MAGI1: variants seen among roughly 807,000 people sequenced by gnomAD.
MAGI1 encodes membrane associated guanylate kinase, WW and PDZ domain containing 1.
MAGI1 carries 58 observed loss-of-function variants against 139.9 expected under a neutral mutation model. That is an observed-to-expected ratio of 0.41 (90% CI 0.34 to 0.52). MAGI1 has a LOEUF of 0.52. Among genes scored for constraint, MAGI1 ranks in the 20% least tolerant of loss-of-function variants. The pLI, the probability that MAGI1 is intolerant of heterozygous loss-of-function variation, is 0.12. For missense variants in MAGI1, 1,874 were observed against 1,901.6 expected (o/e 0.99, Z 0.27); for synonymous variants, 812 against 737.9 (o/e 1.10, Z -1.63).
chr3:65,787,271 G>A (rs997237171), intron 1 of MAGI1, among the ~76,000 whole-genome samples: 2 of 151,864 alleles, frequency 1.3e-5, no homozygotes, highest in African/African-American at 2.4e-5. Flanking sequence ...CACAGGGCCC[G>A]GTCATCTTTA....
At chr3:65,603,705 C>A (rs1197055248) in intron 2 of MAGI1, among the ~76,000 whole-genome samples, 5 of 152,144 alleles carry the variant, frequency 3.3e-5, no homozygotes, top group African/African-American at 4.8e-5. Context: ...TAAGAAAATA[C>A]CTGAGACAGT....
intron 1 of MAGI1, among the ~76,000 whole-genome samples, chr3:65,950,092 AAC>A (rs372019711): frequency 0.57 from 37,360 of 65,082 alleles, 9,233 homozygotes; most frequent in South Asian, 0.63. Flanking sequence ...AAAAAAAACA[AAC>A]AAAAAAAAAA....
At position 66,038,292 on chromosome 3, in the gene MAGI1, T is replaced by A. The variant is rs1451180881; in HGVS notation, c.17A>T (p.Gln6Leu). ...CCTGCTAGTCCAGTGGTTCTTCTTC[T>A]GGATCACTTTGGACATGATGAGTTA... MSKVI[Q>L]KKNHWTSRVH... The change falls in exon 1 of 23, where the codon CAG becomes CTG. Residue 6 changes from glutamine (Q) to leucine (L), a missense_variant. This residue lies in a region of MAGI1 where 648 missense variants were observed against 598.1 expected (regional missense o/e 1.08). Transcript: ENST00000402939. 6.3e-7 allele frequency: 1 copy of A among 1,589,554 alleles called. No individual in the cohort carries two copies. Among genetic ancestry groups the A allele is most frequent in the Non-Finnish European group, 8.6e-7 (1 of 1,167,112 alleles).
chr3:65,454,762 C>T (rs1217687000), intron 5 of MAGI1, among the ~76,000 whole-genome samples: 1 of 149,634 alleles, frequency 6.7e-6, no homozygotes, highest in Admixed American at 6.6e-5. Flanking sequence ...AAAACAGAAT[C>T]TGCGAATGTA....
intron 12 of MAGI1, among the ~76,000 whole-genome samples, chr3:65,428,463 G>A (rs114634722): frequency 3.9e-5 from 6 of 152,156 alleles, no homozygotes; most frequent in African/African-American, 1.2e-4. Context: ...TTAATGCCTC[G>A]AGATTTAGAA....
At chr3:65,422,186 T>C (rs1946675342) in intron 12 of MAGI1, among the ~76,000 whole-genome samples, 1 of 152,224 alleles carries the variant, frequency 6.6e-6, no homozygotes, top group South Asian at 2.1e-4. Context: ...ATGGAGCTCT[T>C]GAAGTGCGGA....
chr3:65,889,446 G>A (rs1335503352), intron 1 of MAGI1, among the ~76,000 whole-genome samples: 1 of 152,188 alleles, frequency 6.6e-6, no homozygotes, highest in Non-Finnish European at 1.5e-5. Flanking sequence ...ATGATTCTCT[G>A]TTCTCTCCTC....
In MAGI1 at chr3:65,800,002, C is replaced by A. The variant is rs185434681; in HGVS notation, c.314-177914G>T. On this transcript the variant is annotated intron_variant, in intron 1 of 22. Coordinates refer to ENST00000402939, the MANE Select transcript of MAGI1 (RefSeq NM_001033057.2). ...GTTAATACTACGTTTCCCAATTATT[C>A]AGACTTCCTGAAGGTTCCGACTGCC... Among the ~76,000 whole-genome samples the A allele has an allele frequency of 8.4e-3, 1,284 of 152,276 alleles. 15 individuals carry two copies. The highest frequency in any genetic ancestry group is 0.051 in the Middle Eastern group (15 of 294).
rs112700905 is a variant in MAGI1, at chr3:65,934,037, G to A, written c.313+103959C>T. On this transcript the variant is annotated intron_variant, in intron 1 of 22. Coordinates refer to ENST00000402939, the MANE Select transcript of MAGI1 (RefSeq NM_001033057.2). ...AGCTACTCGGGAGGCTGAGGCAGGA[G>A]AATCACTTGAACTGCGAAGGTTGCA... Among the ~76,000 whole-genome samples, 1,023 of 152,204 alleles carry A rather than the reference G, an allele frequency of 6.7e-3. 7 individuals carry two copies. Among genetic ancestry groups the A allele is most frequent in the African/African-American group, 0.023 (964 of 41,518 alleles).
At chr3:65,418,220 G>T (rs1375928625) in intron 12 of MAGI1, among the ~76,000 whole-genome samples, 1 of 152,100 alleles carries the variant, frequency 6.6e-6, no homozygotes, top group Admixed American at 6.5e-5. Flanking sequence ...AATATGTATG[G>T]CACAGACTCA....
chr3:65,926,838 G>C (rs568056737), intron 1 of MAGI1, among the ~76,000 whole-genome samples: 23 of 152,170 alleles, frequency 1.5e-4, no homozygotes, highest in African/African-American at 5.3e-4. Flanking sequence ...TCTACTAAAA[G>C]TACAAAATTT....
chr3:65,826,830 C>T (rs2042254909), intron 1 of MAGI1, among the ~76,000 whole-genome samples: 1 of 152,102 alleles, frequency 6.6e-6, no homozygotes, highest in African/African-American at 2.4e-5. Context: ...CTCTTTCTAA[C>T]AATTTTTAAA....
chr3:65,964,803 G>A (rs1215844917), intron 1 of MAGI1, among the ~76,000 whole-genome samples: 2 of 152,172 alleles, frequency 1.3e-5, no homozygotes, highest in African/African-American at 2.4e-5. Flanking sequence ...GGGATTCCCT[G>A]AGGATGCCCC....
chr3:65,570,745 C>G lies in MAGI1; in HGVS notation c.430+51227G>C, dbSNP rs2080919521. ...GGGCATCTAAGTTCATTGCACCATT[C>G]TTTTGACTTATGTGGAAAAAATCCA... On this transcript the variant is annotated intron_variant, in intron 2 of 22. Coordinates refer to ENST00000402939, the MANE Select transcript of MAGI1 (RefSeq NM_001033057.2). 3.3e-5 allele frequency among the ~76,000 whole-genome samples: 5 copies of G among 152,284 alleles called. No homozygotes were observed. In the South Asian group the frequency reaches 1.0e-3, roughly 32 times the overall value.
intron 1 of MAGI1, among the ~76,000 whole-genome samples, chr3:65,823,332 G>A (rs759100175): frequency 6.6e-6 from 1 of 152,008 alleles, no homozygotes; most frequent in African/African-American, 2.4e-5. Flanking sequence ...ATTTTCTAGA[G>A]GAAAAGGAAA....
intron 2 of MAGI1, among the ~76,000 whole-genome samples, chr3:65,560,313 G>A (rs2080286552): frequency 6.6e-6 from 1 of 152,056 alleles, no homozygotes; most frequent in South Asian, 2.1e-4. Context: ...CCTCTTAACT[G>A]GATTGTTTGT....
chr3:65,827,488 C>T (rs1428051839), intron 1 of MAGI1, among the ~76,000 whole-genome samples: 1 of 152,152 alleles, frequency 6.6e-6, no homozygotes, highest in Non-Finnish European at 1.5e-5. Flanking sequence ...TGACATAATG[C>T]CAAAGTCACA....
intron 1 of MAGI1, among the ~76,000 whole-genome samples, chr3:65,822,478 A>G (rs1000667936): frequency 1.3e-5 from 2 of 152,200 alleles, no homozygotes; most frequent in Admixed American, 6.5e-5. Context: ...CAGTGAGTTG[A>G]GATGGCACCA....
intron 1 of MAGI1, among the ~76,000 whole-genome samples, chr3:65,724,057 T>C (rs886949070): frequency 2.6e-5 from 4 of 152,238 alleles, no homozygotes; most frequent in Non-Finnish European, 5.9e-5. Flanking sequence ...GACAATGATA[T>C]GCCTGAACAG....
Sources: allele counts gnomAD v4.1 joint callset (sites outside exome capture counted in the v4.1 genomes callset), GRCh38; gene constraint gnomAD v4.1.1; regional missense constraint gnomAD v4.1.1; transcripts MANE v1.5; gene names NCBI Gene and HGNC (gene_info 2026-07-23, HGNC 2026-07-21).